The following CSMD1 variants were observed in gnomAD, a reference collection of about 807,000 sequenced individuals.
The protein encoded by CSMD1 is CUB and sushi domain-containing protein 1.
CSMD1 carries 213 observed loss-of-function variants against 417.5 expected under a neutral mutation model. That is an observed-to-expected ratio of 0.51 (90% confidence interval 0.46 to 0.57). The LOEUF (loss-of-function observed/expected upper bound fraction) is 0.57, where lower values mean the gene tolerates loss of function less well. CSMD1 is among the 20% of genes least tolerant of loss of function. The pLI is 0.00. For missense variants in CSMD1, 6,923 were observed against 4,529.7 expected (o/e 1.53, Z -15.17); for synonymous variants, 2,862 against 1,736.8 (o/e 1.65, Z -16.11).
chr8:3,921,183 C>T (rs944251865), intron 5 of CSMD1, among the ~76,000 whole-genome samples: 13 of 152,178 alleles, frequency 8.5e-5, no homozygotes, highest in African/African-American at 2.6e-4. Context: ...ATTTACGATT[C>T]ATCTTGGTAG....
intron 3 of CSMD1, among the ~76,000 whole-genome samples, chr8:4,290,286 C>G (rs1797288163): frequency 6.6e-6 from 1 of 152,170 alleles, no homozygotes; most frequent in African/African-American, 2.4e-5. Flanking sequence ...ATGGTTTTCA[C>G]ATATGTCTAC....
intron 23 of CSMD1, among the ~76,000 whole-genome samples, chr8:3,314,989 G>A (rs898202119): frequency 6.6e-6 from 1 of 152,130 alleles, no homozygotes; most frequent in Non-Finnish European, 1.5e-5. Context: ...CATAACTGAA[G>A]AAAAGGAATA....
intron 12 of CSMD1, among the ~76,000 whole-genome samples, chr8:3,428,867 A>G (rs1160003284): frequency 6.6e-6 from 1 of 152,248 alleles, no homozygotes; most frequent in Non-Finnish European, 1.5e-5. Flanking sequence ...TAAAAAAGAA[A>G]GAAATCCTGT....
intron 5 of CSMD1, among the ~76,000 whole-genome samples, chr8:3,966,521 A>G (rs975700779): frequency 3.9e-5 from 6 of 152,054 alleles, no homozygotes; most frequent in Non-Finnish European, 1.5e-5. Flanking sequence ...TTCCTGGGAG[A>G]AAATTGTATT....
intron 3 of CSMD1, among the ~76,000 whole-genome samples, chr8:4,272,775 G>A (rs188333839): frequency 1.3e-5 from 2 of 152,230 alleles, no homozygotes; most frequent in East Asian, 1.9e-4. Flanking sequence ...AGTAAAGGAG[G>A]TTAGTATGAG....
At chr8:4,444,276 G>C (rs765638002) in intron 2 of CSMD1, among the ~76,000 whole-genome samples, 1 of 147,504 alleles carries the variant, frequency 6.8e-6, no homozygotes, top group Admixed American at 6.9e-5. Flanking sequence ...TGGGCTGGGA[G>C]GTGGACGTTG....
chr8:3,407,987 G>A lies in CSMD1; in HGVS notation c.1983C>T (p.Ser661=), dbSNP rs372686253. 1.9e-6 allele frequency: 3 copies of A among 1,613,666 alleles called. No homozygotes were observed. Among genetic ancestry groups the A allele is most frequent in the East Asian group, 2.2e-5 (1 of 44,862 alleles). Residue 661 remains serine, a synonymous_variant, in exon 14 of 70, where the codon TCC becomes TCT. Transcript: ENST00000635120. ...CTATATGCCCACTGCTGGCCAGCTG[G>A]GAAGGCACTTCATTGCCAGAAAAAG... is the stretch of plus-strand genomic sequence containing the variant. ...LGTFSGNEVP[S]QLASSGHIVR... is the part of the protein sequence containing the mutation.
At chr8:4,404,889 C>T (rs566845946) in intron 3 of CSMD1, among the ~76,000 whole-genome samples, 7 of 152,128 alleles carry the variant, frequency 4.6e-5, no homozygotes, top group Non-Finnish European at 1.0e-4. Flanking sequence ...ACATTTATTT[C>T]GCTCATTGAA....
At chr8:3,165,193 A>G (rs1382296833) in intron 37 of CSMD1, among the ~76,000 whole-genome samples, 7 of 151,988 alleles carry the variant, frequency 4.6e-5, no homozygotes, top group African/African-American at 1.7e-4. Flanking sequence ...GTTAGAAGCT[A>G]AGAATGCAAA....
chr8:4,517,337 C>G (rs932506385), intron 2 of CSMD1, among the ~76,000 whole-genome samples: 1 of 152,100 alleles, frequency 6.6e-6, no homozygotes, highest in Non-Finnish European at 1.5e-5. Context: ...GTGATTGCAC[C>G]AGTTGCTAAT....
intron 52 of CSMD1, among the ~76,000 whole-genome samples, chr8:3,005,092 T>C (rs376778629): frequency 1.2e-4 from 18 of 152,226 alleles, no homozygotes; most frequent in African/African-American, 4.3e-4. Flanking sequence ...TGAGCCGAGA[T>C]TGCACCACTG....
chr8:4,412,701 C>T (rs908215383), intron 3 of CSMD1, among the ~76,000 whole-genome samples: 5 of 152,048 alleles, frequency 3.3e-5, no homozygotes, highest in Non-Finnish European at 7.4e-5. Context: ...TTCACGTAAC[C>T]AACATATAAA....
chr8:4,199,345 T>G (rs1332466383), intron 3 of CSMD1, among the ~76,000 whole-genome samples: 6 of 152,184 alleles, frequency 3.9e-5, no homozygotes, highest in Non-Finnish European at 8.8e-5. Flanking sequence ...GAAGTCTACC[T>G]CTAAAGCACA....
intron 5 of CSMD1, among the ~76,000 whole-genome samples, chr8:3,805,964 C>T (rs1457871076): frequency 2.0e-5 from 3 of 152,080 alleles, no homozygotes; most frequent in African/African-American, 4.8e-5. Context: ...CTTCTTCTTC[C>T]GTCTTCAGAT....
chr8:3,998,018 T>G lies in CSMD1; in HGVS notation c.703A>C (p.Thr235Pro). Reference protein sequence around the residue: ...PSEYENNADCTWTILAEPGDT... With the variant: ...PSEYENNADCPWTILAEPGDT... ...CCGGGCTCAGCCAGAATGGTCCAGG[T>G]GCAGTCCGCGTTGTTCTCGTACTCT... The change falls in exon 5 of 70, where the codon ACC (threonine) becomes CCC (proline). Residue 235 changes from threonine to proline, a missense_variant. Transcript: ENST00000635120. 1.2e-6 allele frequency: 2 copies of G among 1,608,016 alleles called. No homozygotes were observed. Among genetic ancestry groups the G allele is most frequent in the Non-Finnish European group, 1.7e-6 (2 of 1,176,986 alleles).
intron 1 of CSMD1, among the ~76,000 whole-genome samples, chr8:4,923,015 G>T (rs1309241981): frequency 6.6e-6 from 1 of 152,102 alleles, no homozygotes; most frequent in Non-Finnish European, 1.5e-5. Flanking sequence ...ATCCACCTCA[G>T]CTAGATGGGG....
At chr8:3,247,863 G>T (rs565956697) in intron 26 of CSMD1, among the ~76,000 whole-genome samples, 24 of 152,288 alleles carry the variant, frequency 1.6e-4, no homozygotes, top group Admixed American at 1.1e-3. Context: ...ATTCACAAGG[G>T]GGGAGCAGGA....
chr8:3,049,961 G>A (rs907849382), intron 50 of CSMD1, among the ~76,000 whole-genome samples: 1 of 151,958 alleles, frequency 6.6e-6, no homozygotes, highest in Admixed American at 6.6e-5. Context: ...ACAAAGAAAC[G>A]AAAGCTCTGA....
intron 12 of CSMD1, among the ~76,000 whole-genome samples, chr8:3,419,156 C>G (rs1479661029): frequency 8.5e-5 from 13 of 152,216 alleles, no homozygotes; most frequent in Admixed American, 2.0e-4. Context: ...TAATTCTTAA[C>G]TCAGCAGGAA....
Sources: allele counts gnomAD v4.1 joint callset (sites outside exome capture counted in the v4.1 genomes callset), GRCh38; gene constraint gnomAD v4.1.1; transcripts MANE v1.5; gene names NCBI Gene and HGNC (gene_info 2026-07-23, HGNC 2026-07-21).